Variants in TMEM63C observed in about 807,000 individuals in gnomAD.
TMEM63C encodes osmosensitive cation channel TMEM63C.
Under a neutral mutation model 99.2 loss-of-function variants are expected in TMEM63C, and 32 were observed. The ratio of observed to expected loss-of-function variants is 0.32; its 90% CI spans 0.24 to 0.43. The LOEUF (loss-of-function observed/expected upper bound fraction) is 0.43, where lower values mean the gene tolerates loss of function less well. Among genes scored for constraint, TMEM63C ranks in the 20% least tolerant of loss-of-function variants. The pLI is 1.00. For missense variants in TMEM63C, 826 were observed against 1,053.0 expected (o/e 0.78, Z 2.98); for synonymous variants, 376 against 397.9 (o/e 0.94, Z 0.66).
chr14:77,248,322 A>G (rs1240470950), intron 18 of TMEM63C, 25 bp from the exon 19 acceptor site: 9 of 1,576,206 alleles, frequency 5.7e-6, no homozygotes, highest in Non-Finnish European at 6.9e-6. Context: ...TTCTGTTGCC[A>G]CCTTCCCTCT....
chr14:77,217,256 C>A (rs571430987), intron 2 of TMEM63C, among the ~76,000 whole-genome samples: 1 of 152,150 alleles, frequency 6.6e-6, no homozygotes, highest in African/African-American at 2.4e-5. Flanking sequence ...CGGGCAAGCT[C>A]GAAGCCCAGG....
At chr14:77,201,206 G>A (rs1025744194) in intron 1 of TMEM63C, 33 of 152,250 alleles carry the variant, frequency 2.2e-4, no homozygotes, top group African/African-American at 7.7e-4. Context: ...CTCCTCCTCT[G>A]TGCTCCCAGT....
At position 77,257,074 on chromosome 14, in the gene TMEM63C, G is replaced by A. The variant is rs942140216; in HGVS notation, c.*348G>A. On this transcript the variant is annotated 3_prime_UTR_variant, in exon 24 of 24. Transcript: ENST00000298351. ...GTGTTCCTAAGGGAGGAGACAGAAGGAGGCTGCCGAAGGCTCTGTGGGGTC... is the reference window on the plus strand; with the variant it reads ...GTGTTCCTAAGGGAGGAGACAGAAGAAGGCTGCCGAAGGCTCTGTGGGGTC... The A allele has an allele frequency of 1.8e-4, 44 of 246,526 alleles. No individual in the cohort carries two copies. The highest frequency in any genetic ancestry group is 9.8e-4 in the African/African-American group (44 of 44,952). The allele number at this position is 246,526 out of a possible 1,614,324, so 15.3% of individuals were successfully genotyped here.
intron 1 of TMEM63C, among the ~76,000 whole-genome samples, chr14:77,205,292 T>C (rs879406315): frequency 6.6e-6 from 1 of 152,198 alleles, no homozygotes; most frequent in Admixed American, 6.5e-5. Context: ...GCTGATTCCA[T>C]CACAGCCTGG....
Position 77,246,017 on chromosome 14 carries a change from G to A in TMEM63C, c.1526G>A (p.Gly509Glu), listed in dbSNP as rs1211418591. Residue 509 changes from glycine (G) to glutamate (E), a missense_variant, in exon 17 of 24, where the codon GGA (glycine) becomes GAA (glutamate). Transcript: ENST00000298351. ...ATGGTAGTCATTCTGCCCTCTATGG[G>A]ACTGACCAGGTACCTCACTTCCAAT... ...VFMVVILPSM[G>E]LTSLDVFLRW... 2.5e-6 allele frequency: 4 copies of A among 1,612,882 alleles called. No homozygotes were observed. Among genetic ancestry groups the A allele is most frequent in the South Asian group, 1.1e-5 (1 of 91,048 alleles).
chr14:77,242,863 G>A (rs1389360856), intron 14 of TMEM63C, 40 bp from the exon 15 acceptor site: 2 of 1,612,774 alleles, frequency 1.2e-6, no homozygotes, highest in Non-Finnish European at 1.7e-6. Context: ...TCTAAGAACT[G>A]ATGTCTCTAA....
At chr14:77,228,832 C>T (rs953311629) in intron 6 of TMEM63C, among the ~76,000 whole-genome samples, 8 of 152,038 alleles carry the variant, frequency 5.3e-5, no homozygotes, top group African/African-American at 1.7e-4. Context: ...CCACTGCACC[C>T]GGCCTTAAAA....
At chr14:77,250,289 G>T (rs1350676600) in intron 21 of TMEM63C, among the ~76,000 whole-genome samples, 1 of 152,086 alleles carries the variant, frequency 6.6e-6, no homozygotes, top group African/African-American at 2.4e-5. Flanking sequence ...GTCCCTGCAG[G>T]CCACAGATTA....
At chr14:77,221,963 C>T (rs1346008037) in intron 5 of TMEM63C, among the ~76,000 whole-genome samples, 2 of 151,986 alleles carry the variant, frequency 1.3e-5, no homozygotes, top group Non-Finnish European at 2.9e-5. Flanking sequence ...GACTTCTCCT[C>T]CACACCGGGA....
chr14:77,191,578 C>G (rs1888112046), intron 1 of TMEM63C, among the ~76,000 whole-genome samples: 1 of 80,316 alleles, frequency 1.2e-5, no homozygotes, highest in African/African-American at 5.0e-5. Flanking sequence ...GAGTTTCGCT[C>G]TTATTGCCCA....
chr14:77,205,034 G>C (rs1346953384), intron 1 of TMEM63C, among the ~76,000 whole-genome samples: 1 of 152,216 alleles, frequency 6.6e-6, no homozygotes, highest in Non-Finnish European at 1.5e-5. Context: ...CAAAAATGGA[G>C]CTGAGATTAA....
At chr14:77,218,228 G>T (rs748523645) in intron 2 of TMEM63C, among the ~76,000 whole-genome samples, 3 of 93,174 alleles carry the variant, frequency 3.2e-5, no homozygotes, top group Admixed American at 1.2e-4. Flanking sequence ...ACCCACAGAA[G>T]TTAAAAAAAA....
chr14:77,197,097 G>A (rs1888227485), intron 1 of TMEM63C, among the ~76,000 whole-genome samples: 1 of 152,206 alleles, frequency 6.6e-6, no homozygotes, highest in African/African-American at 2.4e-5. Flanking sequence ...CTTTGAGGAA[G>A]GATTAGAGAG....
intron 1 of TMEM63C, among the ~76,000 whole-genome samples, chr14:77,208,184 A>G (rs1419351561): frequency 6.6e-6 from 1 of 152,230 alleles, no homozygotes; most frequent in Non-Finnish European, 1.5e-5. Context: ...AGCTTGATTC[A>G]TACAGGGAAT....
At chr14:77,198,070 C>G (rs1233899903) in intron 1 of TMEM63C, among the ~76,000 whole-genome samples, 2 of 152,252 alleles carry the variant, frequency 1.3e-5, no homozygotes, top group Non-Finnish European at 2.9e-5. Flanking sequence ...CAGCCTTGGT[C>G]CACATCAGAG....
Position 77,192,633 on chromosome 14 carries a change from G to A in TMEM63C, c.-77+10739G>A, listed in dbSNP as rs117035711. 7.5e-3 allele frequency among the ~76,000 whole-genome samples: 1,148 copies of A among 152,226 alleles called. 3 individuals are homozygous for A. Among genetic ancestry groups the A allele is most frequent in the Non-Finnish European group, 0.013 (867 of 68,020 alleles). On this transcript the variant is annotated intron_variant, in intron 1 of 23. Coordinates refer to ENST00000298351, the MANE Select transcript of TMEM63C (RefSeq NM_020431.4). ...AGAAGAAAGCCAGGGGTGGTGGTGC[G>A]TGCCTGTAGTTGCAGCTACTCGGGA...
At chr14:77,194,553 C>CTG (rs56115104) in intron 1 of TMEM63C, among the ~76,000 whole-genome samples, 2 of 125,042 alleles carry the variant, frequency 1.6e-5, no homozygotes, top group Non-Finnish European at 1.6e-5. Flanking sequence ...TTCTTTCTTT[C>CTG]TCTTTCTTTC....
chr14:77,232,113 AC>A (rs1471127806), intron 7 of TMEM63C, among the ~76,000 whole-genome samples: 1 of 152,016 alleles, frequency 6.6e-6, no homozygotes, highest in Non-Finnish European at 1.5e-5. Context: ...GTCTTGTAGG[AC>A]CTCTACTCCC....
chr14:77,230,036 C>A (rs541498232), intron 6 of TMEM63C, among the ~76,000 whole-genome samples: 1 of 151,986 alleles, frequency 6.6e-6, no homozygotes, highest in Non-Finnish European at 1.5e-5. Context: ...CCCGTCTCTA[C>A]TAAAAAATAC....
Sources: allele counts gnomAD v4.1 joint callset (sites outside exome capture counted in the v4.1 genomes callset), GRCh38; gene constraint gnomAD v4.1.1; transcripts MANE v1.5; gene names NCBI Gene and HGNC (gene_info 2026-07-23, HGNC 2026-07-21).